FRMD4A: variants seen among roughly 807,000 people sequenced by gnomAD.
FRMD4A encodes FERM domain containing 4A, also known as FERM domain-containing protein 4A.
In FRMD4A, 29 loss-of-function variants were observed where a neutral mutation model predicts 129.1. The observed-to-expected ratio is 0.22, with a 90% CI of 0.17 to 0.31. The LOEUF (loss-of-function observed/expected upper bound fraction) is 0.31. Among genes scored for constraint, FRMD4A ranks in the 10% least tolerant of loss-of-function variants. FRMD4A has a pLI of 1.00. For synonymous variants in FRMD4A, 634 were observed against 571.6 expected (o/e 1.11, Z -1.56); for missense variants, 1,272 against 1,375.8 (o/e 0.92, Z 1.19).
intron 2 of FRMD4A, among the ~76,000 whole-genome samples, chr10:14,046,879 C>T (rs1048816091): frequency 6.6e-6 from 1 of 152,134 alleles, no homozygotes; most frequent in African/African-American, 2.4e-5. Flanking sequence ...TAACTCCCAC[C>T]ATTGTGAGGC....
intron 12 of FRMD4A, among the ~76,000 whole-genome samples, chr10:13,714,040 A>ATATTATATATATATATAAAATATACATTT (rs1554859027): frequency 8.1e-5 from 3 of 37,114 alleles, no homozygotes; most frequent in African/African-American, 2.9e-4. Context: ...ATATATATAT[A>ATATTATATATATATATAAAATATACATTT]TATATATATA....
At chr10:13,911,029 C>T (rs991426308) in intron 2 of FRMD4A, among the ~76,000 whole-genome samples, 2 of 151,750 alleles carry the variant, frequency 1.3e-5, no homozygotes, top group Non-Finnish European at 2.9e-5. Flanking sequence ...TATCCTTTTC[C>T]TTCTCAGCCA....
chr10:13,648,181 T>C (rs1403575301), intron 24 of FRMD4A: 1 of 152,182 alleles, frequency 6.6e-6, no homozygotes, highest in Non-Finnish European at 1.5e-5. Flanking sequence ...TGGATTTTAA[T>C]GAGAGTCCTG....
chr10:14,008,258 T>A, intron 2 of FRMD4A: 5 of 1,067,312 alleles, frequency 4.7e-6, no homozygotes, highest in Non-Finnish European at 5.8e-6. Context: ...TAAGTTATGG[T>A]CTCCTGGAGG....
chr10:13,705,303 G>C (rs187080539), intron 13 of FRMD4A, among the ~76,000 whole-genome samples: 1 of 152,284 alleles, frequency 6.6e-6, no homozygotes, highest in Non-Finnish European at 1.5e-5. Context: ...TTGGTAAAGA[G>C]AGTTTAGCAG....
At chr10:13,734,028 C>T (rs775482833) in intron 12 of FRMD4A, among the ~76,000 whole-genome samples, 64 of 152,278 alleles carry the variant, frequency 4.2e-4, no homozygotes, top group African/African-American at 1.4e-3. Context: ...AAGCCTGCCG[C>T]GTTGCATGTC....
chr10:13,788,675 C>T (rs918498794), intron 5 of FRMD4A, among the ~76,000 whole-genome samples: 3 of 152,220 alleles, frequency 2.0e-5, no homozygotes, highest in Non-Finnish European at 4.4e-5. Flanking sequence ...GGTTTCCTGA[C>T]TCCACAAGCA....
At chr10:13,654,332 G>A (rs1211552576) in intron 23 of FRMD4A, 84 bp downstream of exon 23, 4 of 914,268 alleles carry the variant, frequency 4.4e-6, no homozygotes, top group Non-Finnish European at 7.4e-6. Context: ...TCCATTTACT[G>A]ACATATCCTT....
chr10:14,317,341 T>A (rs1398700848), intron 2 of FRMD4A, among the ~76,000 whole-genome samples: 1 of 152,184 alleles, frequency 6.6e-6, no homozygotes, highest in East Asian at 1.9e-4. Flanking sequence ...ATTGCATTCA[T>A]GTATGCTGTT....
rs1434816066 is a variant in FRMD4A, at chr10:13,878,750, C to G, written c.46-19838G>C. 8.3e-5 allele frequency among the ~76,000 whole-genome samples: 12 copies of G among 145,130 alleles called. No homozygotes were observed. In the Admixed American group the frequency reaches 8.4e-4, roughly 10 times the overall value. On this transcript the variant is annotated intron_variant, in intron 2 of 24. Coordinates refer to ENST00000357447, the MANE Select transcript of FRMD4A (RefSeq NM_018027.5). Reference sequence around the variant, plus strand: ...CCTGGGCGACACAGCGAGACTCCATCACAAAACATAGAAAGAAAAGAAAGA... The same window carrying G: ...CCTGGGCGACACAGCGAGACTCCATGACAAAACATAGAAAGAAAAGAAAGA...
intron 2 of FRMD4A, among the ~76,000 whole-genome samples, chr10:14,072,262 G>T (rs1835352033): frequency 6.6e-6 from 1 of 152,106 alleles, no homozygotes; most frequent in Admixed American, 6.5e-5. Context: ...CTGAGTTCAG[G>T]CACAAATGGG....
At chr10:13,662,473 T>TA (rs1156894569) in intron 19 of FRMD4A, among the ~76,000 whole-genome samples, 4 of 152,198 alleles carry the variant, frequency 2.6e-5, no homozygotes, top group African/African-American at 9.7e-5. Flanking sequence ...TGCCACTTAA[T>TA]ATATTTCCAT....
At chr10:14,241,117 A>G (rs751829927) in intron 2 of FRMD4A, among the ~76,000 whole-genome samples, 30 of 152,194 alleles carry the variant, frequency 2.0e-4, no homozygotes, top group Non-Finnish European at 3.8e-4. Context: ...TTTAATGAGC[A>G]TTGAATATCT....
At chr10:14,125,767 A>AT (rs1838803942) in intron 2 of FRMD4A, among the ~76,000 whole-genome samples, 3 of 152,172 alleles carry the variant, frequency 2.0e-5, no homozygotes, top group Admixed American at 2.0e-4. Context: ...ACGCGCACAC[A>AT]TACACGGCTC....
intron 15 of FRMD4A, chr10:13,693,487 A>C: frequency 7.0e-6 from 8 of 1,145,088 alleles, no homozygotes; most frequent in African/African-American, 1.7e-5. Context: ...CCCACCTGGG[A>C]GTAGAATGCA....
chr10:13,648,254 A>G (rs894133393), intron 24 of FRMD4A: 3 of 152,268 alleles, frequency 2.0e-5, no homozygotes, highest in African/African-American at 7.2e-5. Flanking sequence ...CTTGATTATG[A>G]CACTGGCCAT....
chr10:14,194,290 C>A (rs1252644201), intron 2 of FRMD4A, among the ~76,000 whole-genome samples: 3 of 152,102 alleles, frequency 2.0e-5, no homozygotes, highest in Non-Finnish European at 4.4e-5. Context: ...CAGCACTATG[C>A]TGGCATTGTG....
intron 2 of FRMD4A, among the ~76,000 whole-genome samples, chr10:13,937,386 G>A (rs954522744): frequency 5.9e-5 from 9 of 152,282 alleles, no homozygotes; most frequent in Middle Eastern, 3.4e-3. Flanking sequence ...AGATACCTAA[G>A]AGTTAACGTT....
intron 6 of FRMD4A, among the ~76,000 whole-genome samples, chr10:13,766,953 G>A (rs973018533): frequency 6.6e-6 from 1 of 152,102 alleles, no homozygotes; most frequent in Non-Finnish European, 1.5e-5. Flanking sequence ...CACGCCTGTA[G>A]TCCCAGCTAC....
Sources: gnomAD v4.1 joint callset for allele counts (sites outside exome capture counted in the v4.1 genomes callset) on GRCh38, gnomAD v4.1.1 for gene constraint, MANE v1.5 for transcripts, NCBI Gene and HGNC (gene_info 2026-07-23, HGNC 2026-07-21) for gene names.